Variants in EDA observed in about 807,000 individuals in gnomAD.
The protein encoded by EDA is ectodysplasin-A.
A neutral mutation model predicts 23.6 loss-of-function variants in EDA; 2 were observed. That is an observed-to-expected ratio of 0.08 (90% CI 0.03 to 0.27). EDA has a LOEUF of 0.27. Among genes scored for constraint, EDA ranks in the 10% least tolerant of loss-of-function variants. EDA has a pLI of 1.00. For missense variants in EDA, 229 were observed against 324.2 expected, an observed-to-expected ratio of 0.71 and a Z score of 2.26; for synonymous variants, 131 against 132.0, an observed-to-expected ratio of 0.99 and a Z score of 0.05.
intron 1 of EDA, among the ~76,000 whole-genome samples, chrX:69,878,231 C>G (rs1254933109): frequency 8.9e-6 from 1 of 112,461 alleles, no homozygotes; most frequent in Non-Finnish European, 1.9e-5. Flanking sequence ...AAAATAGGCA[C>G]TCCCCTCCCC....
At chrX:69,893,238 C>A (rs1468633074) in intron 1 of EDA, among the ~76,000 whole-genome samples, 1 of 111,131 alleles carries the variant, frequency 9.0e-6, no homozygotes, top group African/African-American at 3.3e-5. Context: ...TCCTCTTCTG[C>A]CTATTTCTTA....
intron 1 of EDA, among the ~76,000 whole-genome samples, chrX:69,948,245 A>G (rs1352981831): frequency 8.9e-6 from 1 of 111,896 alleles, no homozygotes; most frequent in Admixed American, 9.4e-5. Context: ...TACTTTTTTT[A>G]TTTTCCTTTC....
Position 69,617,780 on chromosome X carries a change from G to A in EDA, c.396+1076G>A, listed in dbSNP as rs770367927. The A allele has an allele frequency of 4.4e-5, 15 of 343,133 alleles. No individual in the cohort carries two copies. In the East Asian group the frequency reaches 1.2e-3, roughly 28 times the overall value. 28.3% of individuals were successfully genotyped at this position (343,133 alleles called of 1,213,427 possible). Reference sequence around the variant, plus strand: ...AAGTTCCTTGAGGTGAGGGACCCAAGCCTTCTATATTTACTGCCACATCCA... The same window carrying A: ...AAGTTCCTTGAGGTGAGGGACCCAAACCTTCTATATTTACTGCCACATCCA... On this transcript the variant is annotated intron_variant, in intron 1 of 7. Coordinates refer to ENST00000374552, the MANE Select transcript of EDA (RefSeq NM_001399.5).
chrX:70,026,061 TG>T (rs764086602), intron 3 of EDA, among the ~76,000 whole-genome samples: 8 of 112,309 alleles, frequency 7.1e-5, no homozygotes, highest in Non-Finnish European at 1.3e-4. Flanking sequence ...CCTAAGTGTC[TG>T]GGGAGCAAGA....
At chrX:69,938,165 C>T in intron 1 of EDA, 1 of 566,690 alleles carries the variant, frequency 1.8e-6, no homozygotes, top group Non-Finnish European at 2.7e-6. Flanking sequence ...AGAGACAGCA[C>T]CCGGCGGCAG....
chrX:70,031,379 C>T (rs956289999), intron 6 of EDA, among the ~76,000 whole-genome samples: 3 of 111,795 alleles, frequency 2.7e-5, no homozygotes, highest in African/African-American at 9.8e-5. Context: ...TCATTTTCTT[C>T]CCCCAAAGAA....
intron 1 of EDA, among the ~76,000 whole-genome samples, chrX:69,722,988 A>G (rs1330336564): frequency 1.8e-5 from 2 of 112,260 alleles, no homozygotes; most frequent in Non-Finnish European, 3.8e-5. Context: ...GATTATAGAA[A>G]CACGTTATAG....
intron 1 of EDA, among the ~76,000 whole-genome samples, chrX:69,672,165 C>A (rs1031396818): frequency 2.7e-5 from 3 of 111,640 alleles, no homozygotes; most frequent in African/African-American, 9.8e-5. Context: ...AGTTTGCATT[C>A]ATAGGTCTGG....
chrX:69,770,034 G>A (rs1221347627), intron 1 of EDA, among the ~76,000 whole-genome samples: 6 of 111,343 alleles, frequency 5.4e-5, no homozygotes, highest in Non-Finnish European at 1.1e-4. Context: ...TTTGAGATTC[G>A]CCGTTTTCAC....
chrX:69,954,105 C>T (rs1260289007), intron 1 of EDA, among the ~76,000 whole-genome samples: 1 of 111,191 alleles, frequency 9.0e-6, no homozygotes, highest in Non-Finnish European at 1.9e-5. Context: ...CAGAAGATCC[C>T]CCTGCTGCAG....
chrX:69,832,948 A>G (rs1194837878), intron 1 of EDA, among the ~76,000 whole-genome samples: 1 of 111,523 alleles, frequency 9.0e-6, no homozygotes, highest in Non-Finnish European at 1.9e-5. Context: ...GGCTGAGACA[A>G]TGGGGTTTTC....
Position 70,033,414 on chromosome X carries a change from G to C in EDA, c.810G>C (p.Val270=). 1 of 1,212,057 alleles carries C rather than the reference G, an allele frequency of 8.3e-7. No homozygotes were observed. Among genetic ancestry groups the C allele is most frequent in the South Asian group, 1.8e-5 (1 of 57,012 alleles). The change falls in exon 7 of 8, where the codon GTG becomes GTC. Residue 270 remains valine, a synonymous_variant. Coordinates refer to ENST00000374552, the MANE Select transcript of EDA (RefSeq NM_001399.5). ...CATACTGAGATCTTTCAGGTGGAGT[G>C]CTCAATGACTGGTCTCGCATCACTA... ...IQVKNDLSGG[V]LNDWSRITMN...
intron 1 of EDA, among the ~76,000 whole-genome samples, chrX:69,860,417 G>A (rs751812863): frequency 1.8e-5 from 2 of 111,820 alleles, no homozygotes; most frequent in East Asian, 5.6e-4. Context: ...TGTAAGGCAG[G>A]TTTGGTGGTA....
chrX:69,914,251 A>G (rs1229503148), intron 1 of EDA, among the ~76,000 whole-genome samples: 5 of 111,724 alleles, frequency 4.5e-5, no homozygotes, highest in Non-Finnish European at 9.4e-5. Context: ...CTTGCAGATA[A>G]TAACTGTATT....
At position 70,038,816 on chromosome X, in the gene EDA, A is replaced by G. The variant is rs1390803974; in HGVS notation, c.*3207A>G. 1 of 112,463 alleles carries G rather than the reference A, an allele frequency of 8.9e-6. No homozygotes were observed. Among genetic ancestry groups the G allele is most frequent in the Admixed American group, 9.4e-5 (1 of 10,610 alleles). 9.3% of individuals were successfully genotyped at this position (112,463 alleles called of 1,213,427 possible). A position where few individuals can be genotyped will look rare whatever the true frequency, so the allele number is the denominator to read the frequency against. ...CCTTAGAGGGAATCTAGCCCAACCT[A>G]CATTCCACCCTGTTACTTATGTAGA... On this transcript the variant is annotated 3_prime_UTR_variant, in exon 8 of 8. Transcript: ENST00000374552.
intron 1 of EDA, among the ~76,000 whole-genome samples, chrX:69,728,701 TAGAC>T (rs1277977513): frequency 9.0e-6 from 1 of 110,955 alleles, no homozygotes; most frequent in Non-Finnish European, 1.9e-5. Flanking sequence ...AGAGGAAAAG[TAGAC>T]AGAAGAGTTG....
At chrX:69,837,962 C>T (rs2016815083) in intron 1 of EDA, among the ~76,000 whole-genome samples, 2 of 112,402 alleles carry the variant, frequency 1.8e-5, no homozygotes, top group South Asian at 7.3e-4. Context: ...ACATTTCAGA[C>T]ATTATAAAGA....
intron 1 of EDA, among the ~76,000 whole-genome samples, chrX:69,814,145 A>G (rs1421875187): frequency 8.9e-6 from 1 of 112,946 alleles, no homozygotes; most frequent in African/African-American, 3.2e-5. Context: ...ATAAAAGACA[A>G]CATCACAAAA....
At chrX:69,717,177 C>T (rs1392634452) in intron 1 of EDA, among the ~76,000 whole-genome samples, 1 of 110,875 alleles carries the variant, frequency 9.0e-6, no homozygotes, top group Non-Finnish European at 1.9e-5. Context: ...AGCTTTTGCC[C>T]ATTCAATATG....
Sources: gnomAD v4.1 joint callset for allele counts (sites outside exome capture counted in the v4.1 genomes callset) on GRCh38, gnomAD v4.1.1 for gene constraint, MANE v1.5 for transcripts, NCBI Gene and HGNC (gene_info 2026-07-23, HGNC 2026-07-21) for gene names.